TSPAN13: variants seen among roughly 807,000 people sequenced by gnomAD.
The protein encoded by TSPAN13 is tetraspanin 13.
In TSPAN13, 18 loss-of-function variants were observed where a neutral mutation model predicts 26.9. That is an observed-to-expected ratio of 0.67 (90% CI 0.46 to 0.99). TSPAN13 has a LOEUF of 0.99. Ranked by LOEUF, TSPAN13 falls within the 50% of genes least tolerant of loss-of-function variation. The pLI, the probability that TSPAN13 is intolerant of heterozygous loss-of-function variation, is 0.00. For synonymous variants in TSPAN13, 116 were observed against 98.4 expected (o/e 1.18, Z -1.06); for missense variants, 201 against 249.6 (o/e 0.81, Z 1.31).
chr7:16,779,123 G>A lies in TSPAN13; in HGVS notation c.540+7G>A. 1 of 1,596,614 alleles carries A rather than the reference G, an allele frequency of 6.3e-7. No homozygotes were observed. The highest frequency in any genetic ancestry group is 1.1e-5 in the South Asian group (1 of 89,044). On this transcript the variant is annotated splice_region_variant and intron_variant, in intron 5 of 5. Coordinates refer to ENST00000262067, the MANE Select transcript of TSPAN13 (RefSeq NM_014399.4). ...GTTCTTCAGTTTTACAGAGGTATGT[G>A]CAAATAACAATATTTTTCCTCCTTT...
chr7:16,765,717 C>T (rs1784597271), intron 1 of TSPAN13, among the ~76,000 whole-genome samples: 1 of 152,194 alleles, frequency 6.6e-6, no homozygotes, highest in Non-Finnish European at 1.5e-5. Context: ...AATGAATTAA[C>T]AGACACATAA....
At chr7:16,774,406 A>G (rs1784716182) in intron 1 of TSPAN13, among the ~76,000 whole-genome samples, 1 of 152,202 alleles carries the variant, frequency 6.6e-6, no homozygotes, top group African/African-American at 2.4e-5. Context: ...GATGCTAAGC[A>G]TAGCCCTCCT....
chr7:16,774,354 C>T (rs1784715591), intron 1 of TSPAN13, among the ~76,000 whole-genome samples: 1 of 152,318 alleles, frequency 6.6e-6, no homozygotes, highest in East Asian at 1.9e-4. Context: ...ATGTCTTGCA[C>T]ATGTGGCCCA....
intron 1 of TSPAN13, among the ~76,000 whole-genome samples, chr7:16,761,785 T>C (rs1403762200): frequency 6.7e-6 from 1 of 149,502 alleles, no homozygotes; most frequent in African/African-American, 2.5e-5. Context: ...TCCTCTTGCA[T>C]TGGCTTCCCA....
At chr7:16,757,432 A>G (rs1784491549) in intron 1 of TSPAN13, among the ~76,000 whole-genome samples, 1 of 152,176 alleles carries the variant, frequency 6.6e-6, no homozygotes, top group Admixed American at 6.5e-5. Flanking sequence ...TAAAATACGT[A>G]ATATTTTGAA....
At chr7:16,774,945 A>T (rs1784725231) in intron 1 of TSPAN13, among the ~76,000 whole-genome samples, 1 of 152,220 alleles carries the variant, frequency 6.6e-6, no homozygotes. Flanking sequence ...GTACCAGTAG[A>T]TGTAAAATTT....
chr7:16,782,587 A>G (rs1784825387), intron 5 of TSPAN13, among the ~76,000 whole-genome samples: 1 of 152,242 alleles, frequency 6.6e-6, no homozygotes, highest in South Asian at 2.1e-4. Flanking sequence ...ATACTGGCTA[A>G]CAATTTAGCG....
At chr7:16,755,333 G>A (rs1562515315) in intron 1 of TSPAN13, among the ~76,000 whole-genome samples, 1 of 152,158 alleles carries the variant, frequency 6.6e-6, no homozygotes, top group Non-Finnish European at 1.5e-5. Flanking sequence ...GACAGAAACA[G>A]GCATTGAGTA....
At chr7:16,779,219 A>T in intron 5 of TSPAN13, 103 bp downstream of exon 5, 1 of 776,804 alleles carries the variant, frequency 1.3e-6, no homozygotes, top group South Asian at 1.9e-5. Flanking sequence ...TTCATTGAGA[A>T]CTAGCACTGT....
At chr7:16,754,098 C>G (rs373878009) in intron 1 of TSPAN13, 68 bp downstream of exon 1, 591 of 1,510,802 alleles carry the variant, frequency 3.9e-4, no homozygotes, top group Non-Finnish European at 5.0e-4. Flanking sequence ...CTTTGGCTTC[C>G]CTGCCTGGTC....
intron 1 of TSPAN13, among the ~76,000 whole-genome samples, chr7:16,768,956 A>G (rs907288081): frequency 5.3e-5 from 8 of 152,070 alleles, no homozygotes; most frequent in Non-Finnish European, 1.0e-4. Context: ...GGCTCACTGC[A>G]AACTCTGCCT....
At chr7:16,776,930 T>C in intron 2 of TSPAN13, 112 bp from the exon 3 acceptor site, 2 of 606,970 alleles carry the variant, frequency 3.3e-6, no homozygotes, top group Non-Finnish European at 5.7e-6. Context: ...CCATCTGTTC[T>C]GTATTCTGGG....
intron 1 of TSPAN13, 56 bp downstream of exon 1, chr7:16,754,086 C>A (rs373740374): frequency 1.3e-5 from 20 of 1,565,864 alleles, no homozygotes; most frequent in South Asian, 9.1e-5. Context: ...TGCTTGGGAG[C>A]TCTTTGGCTT....
chr7:16,770,489 C>T (rs1450261696), intron 1 of TSPAN13, among the ~76,000 whole-genome samples: 4 of 152,186 alleles, frequency 2.6e-5, no homozygotes, highest in South Asian at 2.1e-4. Flanking sequence ...GGATTACAGG[C>T]GTGAGCCACC....
chr7:16,763,485 G>A lies in TSPAN13; in HGVS notation c.63+9455G>A, dbSNP rs547288686. 1.1e-4 allele frequency among the ~76,000 whole-genome samples: 16 copies of A among 152,236 alleles called. No individual in the cohort carries two copies. The South Asian group carries it at 2.5e-3, about 24-fold the overall frequency. On this transcript the variant is annotated intron_variant, in intron 1 of 5. Coordinates refer to ENST00000262067, the MANE Select transcript of TSPAN13 (RefSeq NM_014399.4). ...TGGATCAAGGGGCTCGAAGTCGCTC[G>A]CCCCTTTCATCCGCTTTTCAGCTTA...
chr7:16,772,303 C>A (rs1784689160), intron 1 of TSPAN13, among the ~76,000 whole-genome samples: 1 of 152,144 alleles, frequency 6.6e-6, no homozygotes, highest in Non-Finnish European at 1.5e-5. Context: ...TTGTCAAACT[C>A]CAAATAGGTG....
chr7:16,756,300 G>C (rs1562515635), intron 1 of TSPAN13, among the ~76,000 whole-genome samples: 1 of 152,198 alleles, frequency 6.6e-6, no homozygotes, highest in Non-Finnish European at 1.5e-5. Flanking sequence ...AACATTCTTT[G>C]TAGGTTCTAA....
intron 1 of TSPAN13, among the ~76,000 whole-genome samples, chr7:16,763,427 G>A (rs1328227608): frequency 6.6e-6 from 1 of 152,170 alleles, no homozygotes; most frequent in Non-Finnish European, 1.5e-5. Context: ...TCATATAAGT[G>A]GGACATCCAG....
chr7:16,780,534 G>A (rs548370200), intron 5 of TSPAN13, among the ~76,000 whole-genome samples: 2 of 152,232 alleles, frequency 1.3e-5, no homozygotes, highest in African/African-American at 4.8e-5. Context: ...ATGATATACA[G>A]CTTGACAAGA....
Sources: allele counts gnomAD v4.1 joint callset (sites outside exome capture counted in the v4.1 genomes callset), GRCh38; gene constraint gnomAD v4.1.1; transcripts MANE v1.5; gene names NCBI Gene and HGNC (gene_info 2026-07-23, HGNC 2026-07-21).